The following SH3D19 variants were observed in gnomAD, a reference collection of about 807,000 sequenced individuals.
The protein encoded by SH3D19 is SH3 domain containing 19.
A neutral mutation model predicts 112.1 loss-of-function variants in SH3D19; 58 were observed. The ratio of observed to expected loss-of-function variants is 0.52; its 90% CI spans 0.42 to 0.64. The LOEUF is 0.64. SH3D19 is among the 30% of genes least tolerant of loss of function. The probability of loss-of-function intolerance (pLI) is 0.00; values close to 1 mark genes in which losing one functional copy is unlikely to be tolerated. For synonymous variants in SH3D19, 391 were observed against 448.5 expected, an observed-to-expected ratio of 0.87 and a Z score of 1.62; for missense variants, 1,090 against 1,263.4, an observed-to-expected ratio of 0.86 and a Z score of 2.08.
intron 1 of SH3D19, chr4:151,279,238 C>T: frequency 5.0e-6 from 1 of 200,776 alleles, no homozygotes; most frequent in South Asian, 5.9e-5. Context: ...TTTTCTTTTT[C>T]AATTTTTTTT....
chr4:151,155,838 G>A (rs533245912), intron 9 of SH3D19, among the ~76,000 whole-genome samples: 15 of 152,240 alleles, frequency 9.9e-5, no homozygotes, highest in South Asian at 4.1e-4. Context: ...GCAGTGAGCC[G>A]AAATCGTGCC....
intron 3 of SH3D19, among the ~76,000 whole-genome samples, chr4:151,183,700 A>G (rs917670775): frequency 6.6e-6 from 1 of 152,232 alleles, no homozygotes; most frequent in African/African-American, 2.4e-5. Flanking sequence ...AGAACTATGA[A>G]TGAATGATCA....
intron 19 of SH3D19, among the ~76,000 whole-genome samples, chr4:151,125,706 G>T (rs972047641): frequency 6.6e-6 from 1 of 151,524 alleles, no homozygotes; most frequent in African/African-American, 2.4e-5. Flanking sequence ...ACAAAAATTA[G>T]TCAGGTGTGG....
intron 1 of SH3D19, among the ~76,000 whole-genome samples, chr4:151,314,432 T>TGAGCCTG (rs1729792587): frequency 1.3e-5 from 2 of 152,034 alleles, no homozygotes; most frequent in Non-Finnish European, 2.9e-5. Flanking sequence ...GCCTGCAGAG[T>TGAGCCTG]AGTTAGGGCA....
At chr4:151,285,248 T>A (rs1359025808) in intron 1 of SH3D19, among the ~76,000 whole-genome samples, 1 of 152,160 alleles carries the variant, frequency 6.6e-6, no homozygotes, top group Non-Finnish European at 1.5e-5. Context: ...CAGAGACAAG[T>A]CACTCCCATA....
At chr4:151,128,433 T>TG in intron 17 of SH3D19, 77 bp from the exon 18 acceptor site, 4 of 1,292,422 alleles carry the variant, frequency 3.1e-6, no homozygotes, top group African/African-American at 1.5e-5. Flanking sequence ...TAAAAAGTAG[T>TG]GGGGAAAAAA....
chr4:151,269,021 C>T (rs1773032615), intron 1 of SH3D19, among the ~76,000 whole-genome samples: 1 of 152,234 alleles, frequency 6.6e-6, no homozygotes, highest in Non-Finnish European at 1.5e-5. Context: ...GCCATACTGA[C>T]TTCCACAATG....
chr4:151,197,279 C>T (rs551037595), intron 2 of SH3D19, among the ~76,000 whole-genome samples: 12 of 152,278 alleles, frequency 7.9e-5, no homozygotes, highest in Non-Finnish European at 1.3e-4. Context: ...GTGCTGGGCA[C>T]CTTAGGGTAA....
chr4:151,324,586 T>C (rs1730864694), intron 1 of SH3D19, among the ~76,000 whole-genome samples: 1 of 152,222 alleles, frequency 6.6e-6, no homozygotes, highest in African/African-American at 2.4e-5. Flanking sequence ...TGCCAAACTA[T>C]TTGATCCGTG....
At chr4:151,154,527 G>A (rs189431293) in intron 9 of SH3D19, among the ~76,000 whole-genome samples, 393 of 151,644 alleles carry the variant, frequency 2.6e-3, no homozygotes, top group Non-Finnish European at 3.9e-3. Flanking sequence ...TGATCCACCC[G>A]CCTTGGCCTC....
At chr4:151,148,284 CACACAG>C in intron 10 of SH3D19, 98 bp from the exon 11 acceptor site, 2 of 824,162 alleles carry the variant, frequency 2.4e-6, no homozygotes, top group Admixed American at 3.3e-5. Flanking sequence ...CACACACACA[CACACAG>C]AGACACAGCT....
Position 151,132,325 on chromosome 4 carries a change from GCCTA to G in SH3D19, c.2742+2_2742+5del, listed in dbSNP as rs1249474210. 6.2e-7 allele frequency: 1 copy of G among 1,613,720 alleles called. No homozygotes were observed. Among genetic ancestry groups the G allele is most frequent in the Non-Finnish European group, 8.5e-7 (1 of 1,179,702 alleles). Reference sequence around the variant, plus strand: ...GTCACTATAGTCATCTGTTCAAGCAGCCTACCTGAGAGTTTGAGCCAGAATCTTC... The same window carrying G: ...GTCACTATAGTCATCTGTTCAAGCAGCCTGAGAGTTTGAGCCAGAATCTTC... On this transcript the variant is annotated splice_donor_variant and splice_donor_5th_base_variant and intron_variant, in intron 17 of 19. Transcript: ENST00000604030. LOFTEE classifies it high-confidence loss of function.
In SH3D19 at chr4:151,198,176, A is replaced by G. The variant is rs183357834; in HGVS notation, c.153-10713T>C. The stretch of plus-strand genomic sequence containing the variant: ...AAAAATAAGCCAGGCGTGGTGGCAC[A>G]TGCCTGTAGTCCCAGCTACTCAGGA... On this transcript the variant is annotated intron_variant, in intron 2 of 19. Coordinates refer to ENST00000604030, the MANE Select transcript of SH3D19 (RefSeq NM_001378122.1). Among the ~76,000 whole-genome samples, 354 of 151,390 alleles carry G rather than the reference A, an allele frequency of 2.3e-3. 1 individual carries two copies. The highest frequency in any genetic ancestry group is 8.3e-3 in the African/African-American group (343 of 41,350).
chr4:151,318,193 T>C (rs1399978808), intron 1 of SH3D19, among the ~76,000 whole-genome samples: 1 of 146,086 alleles, frequency 6.8e-6, no homozygotes, highest in Non-Finnish European at 1.5e-5. Context: ...CCTAGCTCCT[T>C]GGGAGGCCGA....
intron 3 of SH3D19, among the ~76,000 whole-genome samples, chr4:151,187,036 C>T (rs910739104): frequency 6.6e-6 from 1 of 151,792 alleles, no homozygotes; most frequent in Non-Finnish European, 1.5e-5. Flanking sequence ...CCTCGTGATC[C>T]GCCTGCCTTG....
At chr4:151,190,943 A>C (rs1762514348) in intron 2 of SH3D19, among the ~76,000 whole-genome samples, 3 of 152,240 alleles carry the variant, frequency 2.0e-5, no homozygotes. Context: ...CCGTGAAAGC[A>C]GCTGGTGGGG....
intron 9 of SH3D19, among the ~76,000 whole-genome samples, chr4:151,155,463 A>G (rs1755923992): frequency 6.6e-6 from 1 of 152,250 alleles, no homozygotes; most frequent in Admixed American, 6.5e-5. Context: ...GCTTGCCTGT[A>G]TAATAAGCAT....
Position 151,187,475 on chromosome 4 carries a change from A to G in SH3D19, c.153-12T>C. 2 of 1,226,024 alleles carry G rather than the reference A, an allele frequency of 1.6e-6. No homozygotes were observed. Among genetic ancestry groups the G allele is most frequent in the Non-Finnish European group, 2.0e-6 (2 of 982,502 alleles). 75.9% of individuals were successfully genotyped at this position (1,226,024 alleles called of 1,614,324 possible). On this transcript the variant is annotated splice_polypyrimidine_tract_variant and intron_variant, in intron 2 of 19. Transcript: ENST00000604030. The stretch of plus-strand genomic sequence containing the variant: ...ACAAGGGTCCTTGGCTAGAAAAAGA[A>G]AGAAAACTTATTATACATTCATTAA...
chr4:151,212,994 G>A (rs758621813), intron 2 of SH3D19, among the ~76,000 whole-genome samples: 2 of 152,190 alleles, frequency 1.3e-5, no homozygotes, highest in African/African-American at 2.4e-5. Context: ...CGTGGAGGAA[G>A]TAACTGCAGA....
Sources: gnomAD v4.1 joint callset for allele counts (sites outside exome capture counted in the v4.1 genomes callset) on GRCh38, gnomAD v4.1.1 for gene constraint, MANE v1.5 for transcripts, NCBI Gene and HGNC (gene_info 2026-07-23, HGNC 2026-07-21) for gene names.